KCNA2: variants seen among roughly 807,000 people sequenced by gnomAD.
KCNA2 encodes potassium voltage-gated channel subfamily A member 2.
A neutral mutation model predicts 33.4 loss-of-function variants in KCNA2; 11 were observed. The ratio of observed to expected loss-of-function variants is 0.33; its 90% CI spans 0.21 to 0.55. KCNA2 has a LOEUF of 0.55. Ranked by LOEUF, KCNA2 falls within the 20% of genes least tolerant of loss-of-function variation. KCNA2 has a pLI of 0.93. For missense variants in KCNA2, 291 were observed against 621.6 expected, an observed-to-expected ratio of 0.47 and a Z score of 5.66; for synonymous variants, 222 against 231.3, an observed-to-expected ratio of 0.96 and a Z score of 0.37.
chr1:110,605,501 A>T lies in KCNA2; in HGVS notation c.-274T>A, dbSNP rs1649558853. 6.6e-6 allele frequency: 1 copy of T among 152,468 alleles called. No homozygotes were observed. The highest frequency in any genetic ancestry group is 1.5e-5 in the Non-Finnish European group (1 of 68,220). 9.4% of individuals were successfully genotyped at this position (152,468 alleles called of 1,614,324 possible). Reference sequence around the variant, plus strand: ...CTCATCACGTCTTCTCACTCGAGCTAGAAATAATGGTGAGTCATTCTGGGC... The same window carrying T: ...CTCATCACGTCTTCTCACTCGAGCTTGAAATAATGGTGAGTCATTCTGGGC... On this transcript the variant is annotated 5_prime_UTR_variant, in exon 2 of 3. An upstream open reading frame in the 5' UTR loses its in-frame stop. Coordinates refer to ENST00000316361, the MANE Select transcript of KCNA2 (RefSeq NM_004974.4).
chr1:110,629,824 C>T (rs866052172), intron 1 of KCNA2, among the ~76,000 whole-genome samples: 7 of 151,874 alleles, frequency 4.6e-5, no homozygotes, highest in Admixed American at 1.3e-4. Context: ...TTAATTAAGA[C>T]GAGAGAAAAA....
At chr1:110,619,377 A>C (rs1424136112) in intron 1 of KCNA2, among the ~76,000 whole-genome samples, 1 of 152,230 alleles carries the variant, frequency 6.6e-6, no homozygotes, top group African/African-American at 2.4e-5. Flanking sequence ...AAGTTCTTAC[A>C]AGGTCTCCTG....
At position 110,593,885 on chromosome 1, in the gene KCNA2, T is replaced by C; in HGVS notation, c.*9398A>G. On this transcript the variant is annotated 3_prime_UTR_variant, in exon 3 of 3. Coordinates refer to ENST00000316361, the MANE Select transcript of KCNA2 (RefSeq NM_004974.4). ...AGCTTCCAGAATATGTCAGCAAGAA[T>C]GATAATATCAATACATCCTGTGCAA... The C allele has an allele frequency of 6.5e-7, 1 of 1,550,052 alleles. No individual in the cohort carries two copies. Among genetic ancestry groups the C allele is most frequent in the Non-Finnish European group, 8.7e-7 (1 of 1,146,826 alleles).
chr1:110,598,659 T>A lies in KCNA2; in HGVS notation c.*4624A>T. 1.0e-6 allele frequency: 1 copy of A among 985,304 alleles called. No individual in the cohort carries two copies. Among genetic ancestry groups the A allele is most frequent in the Non-Finnish European group, 1.2e-6 (1 of 829,910 alleles). 61.0% of individuals were successfully genotyped at this position (985,304 alleles called of 1,614,324 possible). Reference sequence around the variant, plus strand: ...CTTTCCATACTAGGCTAACGCAATCTAGAGGCACACTCCCGTGGGGCCCCT... The same window carrying A: ...CTTTCCATACTAGGCTAACGCAATCAAGAGGCACACTCCCGTGGGGCCCCT... On this transcript the variant is annotated 3_prime_UTR_variant, in exon 3 of 3. Coordinates refer to ENST00000316361, the MANE Select transcript of KCNA2 (RefSeq NM_004974.4).
intron 1 of KCNA2, among the ~76,000 whole-genome samples, chr1:110,625,562 CAT>C (rs1471082910): frequency 6.6e-6 from 1 of 152,078 alleles, no homozygotes; most frequent in Non-Finnish European, 1.5e-5. Context: ...ATATATGACT[CAT>C]AAAACTAAAG....
At chr1:110,629,769 T>C (rs1018340622) in intron 1 of KCNA2, among the ~76,000 whole-genome samples, 2 of 152,090 alleles carry the variant, frequency 1.3e-5, no homozygotes, top group African/African-American at 4.8e-5. Flanking sequence ...CAACAAATGA[T>C]GATAGTAACA....
intron 1 of KCNA2, among the ~76,000 whole-genome samples, chr1:110,629,851 A>T (rs937093612): frequency 1.3e-5 from 2 of 152,272 alleles, no homozygotes; most frequent in African/African-American, 4.8e-5. Flanking sequence ...GACCGAATTA[A>T]ACACAGGGAA....
At chr1:110,611,101 A>C (rs1475910718), upstream of KCNA2, among the ~76,000 whole-genome samples, 3 of 152,130 alleles carry the variant, frequency 2.0e-5, no homozygotes, top group African/African-American at 7.2e-5. Context: ...GTGTGTTAAC[A>C]TCTCATTGGT....
chr1:110,612,891 G>A (rs2101436632), intron 1 of KCNA2, among the ~76,000 whole-genome samples: 1 of 152,360 alleles, frequency 6.6e-6, no homozygotes, highest in Admixed American at 6.5e-5. Flanking sequence ...AAGACTTGAA[G>A]TCAGACAGGC....
intron 1 of KCNA2, among the ~76,000 whole-genome samples, chr1:110,629,130 T>C (rs1650479623): frequency 6.6e-6 from 1 of 152,216 alleles, no homozygotes; most frequent in Admixed American, 6.5e-5. Context: ...TTTAAAATTC[T>C]AGTGCTGAGG....
rs41450648 is a variant in KCNA2, at chr1:110,597,963, G to A, written c.*5320C>T. 0.018 allele frequency: 18,201 copies of A among 985,256 alleles called. 626 individuals carry two copies. The highest frequency in any genetic ancestry group is 0.14 in the African/African-American group (7,819 of 57,294). The allele number at this position is 985,256 out of a possible 1,614,324, so 61.0% of individuals were successfully genotyped here. On this transcript the variant is annotated 3_prime_UTR_variant, in exon 3 of 3. Transcript: ENST00000316361. ...CCCCTACCTCCATCTGTCCCTGCTGGTTGCTTTGATAGGGGAACAGGGTTG... is the reference window on the plus strand; with the variant it reads ...CCCCTACCTCCATCTGTCCCTGCTGATTGCTTTGATAGGGGAACAGGGTTG...
In KCNA2 at chr1:110,593,711, T is replaced by C; in HGVS notation, c.*9572A>G. ...AGACTGTGGAGCTCTATGAAGTCTA[T>C]GTACACCCATGATCAGGTGGACAGG... On this transcript the variant is annotated 3_prime_UTR_variant, in exon 3 of 3. Coordinates refer to ENST00000316361, the MANE Select transcript of KCNA2 (RefSeq NM_004974.4). The C allele has an allele frequency of 1.9e-6, 1 of 539,180 alleles. No homozygotes were observed. Among genetic ancestry groups the C allele is most frequent in the East Asian group, 3.3e-5 (1 of 30,500 alleles). The allele number at this position is 539,180 out of a possible 1,614,324, so 33.4% of individuals were successfully genotyped here.
At position 110,598,204 on chromosome 1, in the gene KCNA2, G is replaced by A; in HGVS notation, c.*5079C>T. 1 of 546,028 alleles carries A rather than the reference G, an allele frequency of 1.8e-6. No homozygotes were observed. Among genetic ancestry groups the A allele is most frequent in the Non-Finnish European group, 2.3e-6 (1 of 428,606 alleles). The allele number at this position is 546,028 out of a possible 1,614,324, so 33.8% of individuals were successfully genotyped here. On this transcript the variant is annotated 3_prime_UTR_variant, in exon 3 of 3. Transcript: ENST00000316361. ...CACCATGGATATTATAGCCCTCGCA[G>A]ATGAGGCGGCCATCACCCACATACA... is the stretch of plus-strand genomic sequence containing the variant.
chr1:110,601,404 C>T lies in KCNA2; in HGVS notation c.*1879G>A, dbSNP rs1402916106. The stretch of plus-strand genomic sequence containing the variant: ...TTTAGCGAAAGGTTTGTGAAAGTGA[C>T]GGATGCAGAGCCAAATGATAATAAG... On this transcript the variant is annotated 3_prime_UTR_variant, in exon 3 of 3. Coordinates refer to ENST00000316361, the MANE Select transcript of KCNA2 (RefSeq NM_004974.4). The T allele has an allele frequency of 1.8e-5, 18 of 985,196 alleles. No homozygotes were observed. The highest frequency in any genetic ancestry group is 1.1e-4 in the East Asian group (1 of 8,826). 61.0% of individuals were successfully genotyped at this position (985,196 alleles called of 1,614,324 possible).
Position 110,603,373 on chromosome 1 carries a change from C to T in KCNA2, c.1410G>A (p.Glu470=). Reference sequence around the variant, plus strand: ...TTTTCAAGTTTTCCTCTCTAAAGTCCTCATTACTGTTATTTACACCCTCCT... The same window carrying T: ...TTTTCAAGTTTTCCTCTCTAAAGTCTTCATTACTGTTATTTACACCCTCCT... ...EIQEGVNNSN[E]DFREENLKTA... Residue 470 remains glutamate, a synonymous_variant, in exon 3 of 3, where the codon GAG becomes GAA. Coordinates refer to ENST00000316361, the MANE Select transcript of KCNA2 (RefSeq NM_004974.4). The surrounding 1 kb of genome is among the most constrained non-coding windows in gnomAD (Gnocchi z 5.7). 1.2e-6 allele frequency: 2 copies of T among 1,614,148 alleles called. No homozygotes were observed. The highest frequency in any genetic ancestry group is 1.7e-6 in the Non-Finnish European group (2 of 1,180,014).
chr1:110,614,231 G>T (rs1056213781), intron 1 of KCNA2, among the ~76,000 whole-genome samples: 2 of 152,298 alleles, frequency 1.3e-5, no homozygotes, highest in African/African-American at 4.8e-5. Flanking sequence ...GCTGTGGCTT[G>T]AGGTCTTGCA....
In KCNA2 at chr1:110,598,002, C is replaced by A. The variant is rs1028611401; in HGVS notation, c.*5281G>T. ...GGAACAGGGTTGGACTCAACAAGGG[C>A]TAAGTCTGAAGATATAGATGATGGT... On this transcript the variant is annotated 3_prime_UTR_variant, in exon 3 of 3. Coordinates refer to ENST00000316361, the MANE Select transcript of KCNA2 (RefSeq NM_004974.4). The A allele has an allele frequency of 1.1e-5, 11 of 985,244 alleles. No individual in the cohort carries two copies. The African/African-American group carries it at 1.9e-4, about 17-fold the overall frequency. 61.0% of individuals were successfully genotyped at this position (985,244 alleles called of 1,614,324 possible).
chr1:110,615,822 G>A (rs1169533991), intron 1 of KCNA2, among the ~76,000 whole-genome samples: 3 of 152,186 alleles, frequency 2.0e-5, no homozygotes, highest in Non-Finnish European at 4.4e-5. Flanking sequence ...GAGGGACAGA[G>A]GGTCGGGGCG....
Position 110,597,251 on chromosome 1 carries a change from G to A in KCNA2, c.*6032C>T. On this transcript the variant is annotated 3_prime_UTR_variant, in exon 3 of 3. Transcript: ENST00000316361. ...CGTCTCCCTGGGGAAGGGAGAAGGGGAAGCAAAAGGATCAAGTAATGGCTT... is the reference window on the plus strand; with the variant it reads ...CGTCTCCCTGGGGAAGGGAGAAGGGAAAGCAAAAGGATCAAGTAATGGCTT... 2 of 985,456 alleles carry A rather than the reference G, an allele frequency of 2.0e-6. No individual in the cohort carries two copies. Among genetic ancestry groups the A allele is most frequent in the Non-Finnish European group, 2.4e-6 (2 of 829,942 alleles). The allele number at this position is 985,456 out of a possible 1,614,324, so 61.0% of individuals were successfully genotyped here. A position where few individuals can be genotyped will look rare whatever the true frequency, so the allele number is the denominator to read the frequency against.
Sources: gnomAD v4.1 joint callset for allele counts (sites outside exome capture counted in the v4.1 genomes callset) on GRCh38, gnomAD v4.1.1 for gene constraint, Gnocchi (gnomAD v3.1) non-coding constraint, MANE v1.5 for transcripts, NCBI Gene and HGNC (gene_info 2026-07-23, HGNC 2026-07-21) for gene names.